UQCC1: variants seen among roughly 807,000 people sequenced by gnomAD.
The protein encoded by UQCC1 is ubiquinol-cytochrome c reductase complex assembly factor 1.
UQCC1 carries 38 observed loss-of-function variants against 48.0 expected under a neutral mutation model. That is an observed-to-expected ratio of 0.79 (90% confidence interval 0.61 to 1.04). The LOEUF (loss-of-function observed/expected upper bound fraction) is 1.04. Ranked by LOEUF, UQCC1 falls within the 50% of genes least tolerant of loss-of-function variation. UQCC1 has a pLI of 0.00. For missense variants in UQCC1, 368 were observed against 381.8 expected (o/e 0.96, Z 0.30); for synonymous variants, 111 against 129.2 (o/e 0.86, Z 0.95).
Position 35,388,308 on chromosome 20 carries a change from T to G in UQCC1, c.130-4175A>C, listed in dbSNP as rs113586088. 9.9e-5 allele frequency among the ~76,000 whole-genome samples: 12 copies of G among 121,250 alleles called. 2 individuals are homozygous for G. The highest frequency in any genetic ancestry group is 3.7e-4 in the Admixed American group (4 of 10,682). The allele number at this position is 121,250 out of a possible 152,430, so 79.5% of individuals were successfully genotyped here. ...TTCTATTTCTTTTTTTCTTTTTTTTTGAGACAGGGTCTTGCTCTGTCACCC... is the reference window on the plus strand; with the variant it reads ...TTCTATTTCTTTTTTTCTTTTTTTTGGAGACAGGGTCTTGCTCTGTCACCC... On this transcript the variant is annotated intron_variant, in intron 2 of 9. Transcript: ENST00000374385.
At chr20:35,392,217 C>T in intron 2 of UQCC1, 1 of 1,303,338 alleles carries the variant, frequency 7.7e-7, no homozygotes, top group Non-Finnish European at 1.0e-6. Flanking sequence ...CCAAATCTTC[C>T]TCCCTGTGAG....
At chr20:35,307,038 G>GC (rs2060937327) in intron 8 of UQCC1, 1 of 512,852 alleles carries the variant, frequency 1.9e-6, no homozygotes, top group South Asian at 2.0e-5. Flanking sequence ...GTGATGCAGA[G>GC]CTGGGACTCA....
chr20:35,310,480 G>C (rs957038784), intron 8 of UQCC1, among the ~76,000 whole-genome samples: 2 of 150,984 alleles, frequency 1.3e-5, no homozygotes, highest in African/African-American at 2.4e-5. Flanking sequence ...CTGTCTCTAC[G>C]AAAAATACAA....
intron 4 of UQCC1, among the ~76,000 whole-genome samples, chr20:35,375,435 G>A (rs2061784982): frequency 6.6e-6 from 1 of 152,048 alleles, no homozygotes. Flanking sequence ...AGAGCTTCCA[G>A]TCTAAAGTTA....
At chr20:35,331,566 A>G (rs1244669813) in intron 7 of UQCC1, among the ~76,000 whole-genome samples, 1 of 152,192 alleles carries the variant, frequency 6.6e-6, no homozygotes, top group Non-Finnish European at 1.5e-5. Flanking sequence ...AACACTTCAC[A>G]CATATCGTTT....
intron 6 of UQCC1, among the ~76,000 whole-genome samples, chr20:35,365,718 G>A (rs556902913): frequency 6.6e-6 from 1 of 150,816 alleles, no homozygotes; most frequent in African/African-American, 2.4e-5. Context: ...CAAACTCAGT[G>A]TAACTGTGTG....
intron 2 of UQCC1, 134 bp from the exon 3 acceptor site, chr20:35,384,267 G>A (rs991393259): frequency 1.5e-6 from 1 of 672,448 alleles, no homozygotes; most frequent in Middle Eastern, 2.5e-4. Flanking sequence ...AGCTCACCAG[G>A]AAGACCCAAG....
At position 35,395,870 on chromosome 20, in the gene UQCC1, A is replaced by G. The variant is rs1487167581; in HGVS notation, c.25-1674T>C. On this transcript the variant is annotated intron_variant, in intron 1 of 9. Coordinates refer to ENST00000374385, the MANE Select transcript of UQCC1 (RefSeq NM_018244.5). Reference sequence around the variant, plus strand: ...TTCCACAGACTAAAATAATTCTGGTAATAGGTGACTCAAGCAGTGGGCACG... The same window carrying G: ...TTCCACAGACTAAAATAATTCTGGTGATAGGTGACTCAAGCAGTGGGCACG... Among the ~76,000 whole-genome samples the G allele has an allele frequency of 2.0e-5, 3 of 152,172 alleles. No homozygotes were observed. The East Asian group carries it at 5.8e-4, about 29-fold the overall frequency.
At position 35,384,020 on chromosome 20, in the gene UQCC1, T is replaced by C. The variant is rs182314229; in HGVS notation, c.225+18A>G. The stretch of plus-strand genomic sequence containing the variant: ...GTGAAAGCACTCTATAAACACAGAA[T>C]GCACTGATAATTCTCACCTTACGTG... On this transcript the variant is annotated intron_variant, in intron 3 of 9. Coordinates refer to ENST00000374385, the MANE Select transcript of UQCC1 (RefSeq NM_018244.5). 6 of 1,603,616 alleles carry C rather than the reference T, an allele frequency of 3.7e-6. No homozygotes were observed. The East Asian group carries it at 1.1e-4, about 30-fold the overall frequency.
intron 1 of UQCC1, among the ~76,000 whole-genome samples, chr20:35,398,243 TAACTA>T (rs772241640): frequency 6.6e-6 from 1 of 152,170 alleles, no homozygotes; most frequent in Non-Finnish European, 1.5e-5. Flanking sequence ...AAGTGCCACA[TAACTA>T]AAGGCAGGAA....
intron 7 of UQCC1, among the ~76,000 whole-genome samples, chr20:35,317,372 T>C (rs1015805710): frequency 5.9e-5 from 9 of 152,366 alleles, no homozygotes; most frequent in Non-Finnish European, 1.2e-4. Flanking sequence ...TTATAAGTAA[T>C]AACTTCTGGT....
In UQCC1 at chr20:35,369,123, C is replaced by T. The variant is rs1369207427; in HGVS notation, c.407-2509G>A. ...AGCCTCCAGGAGCCTTTCCAATTTT[C>T]TCAGAGAGGGAATCAGTTCTTGGGC... On this transcript the variant is annotated intron_variant, in intron 5 of 9. Coordinates refer to ENST00000374385, the MANE Select transcript of UQCC1 (RefSeq NM_018244.5). 3.3e-5 allele frequency among the ~76,000 whole-genome samples: 5 copies of T among 152,216 alleles called. No homozygotes were observed. The East Asian group carries it at 9.6e-4, about 29-fold the overall frequency.
At chr20:35,357,319 A>C (rs908619982) in intron 6 of UQCC1, among the ~76,000 whole-genome samples, 1 of 152,124 alleles carries the variant, frequency 6.6e-6, no homozygotes, top group African/African-American at 2.4e-5. Flanking sequence ...TCAGGAGTTC[A>C]AGACCAGCTT....
intron 2 of UQCC1, among the ~76,000 whole-genome samples, chr20:35,390,195 C>A (rs113742912): frequency 6.6e-6 from 1 of 152,022 alleles, no homozygotes; most frequent in Non-Finnish European, 1.5e-5. Flanking sequence ...GAGGCTGAGG[C>A]GGGCAGATCA....
rs754622251 is a variant in UQCC1, at chr20:35,303,938, A to G, written c.897T>C (p.Leu299=). 1 of 1,614,210 alleles carries G rather than the reference A, an allele frequency of 6.2e-7. No homozygotes were observed. The highest frequency in any genetic ancestry group is 8.5e-7 in the Non-Finnish European group (1 of 1,180,032). ...GCCGTGCGGAGGGCCCAGCCCATCA[A>G]AGTCCCTCGTCGTTGTAAGTCGGAG... ...PHSPTYNDEG[L] Residue 299 remains leucine, a synonymous_variant, in exon 10 of 10, where the codon CTT becomes CTC. Coordinates refer to ENST00000374385, the MANE Select transcript of UQCC1 (RefSeq NM_018244.5).
At chr20:35,338,437 C>T (rs2061336877) in intron 7 of UQCC1, among the ~76,000 whole-genome samples, 1 of 152,150 alleles carries the variant, frequency 6.6e-6, no homozygotes, top group Non-Finnish European at 1.5e-5. Context: ...TGGCCTTGGT[C>T]CTCATTCTGC....
chr20:35,372,141 C>T lies in UQCC1; in HGVS notation c.406+2043G>A, dbSNP rs147976965. 3.4e-3 allele frequency among the ~76,000 whole-genome samples: 510 copies of T among 152,026 alleles called. 4 individuals carry two copies. Among genetic ancestry groups the T allele is most frequent in the African/African-American group, 0.012 (488 of 41,490 alleles). On this transcript the variant is annotated intron_variant, in intron 5 of 9. Transcript: ENST00000374385. ...CCTGGCCAATATGGTGAAACCTCGT[C>T]TCTACTAAAAGTACAAAAAAATTAG...
intron 7 of UQCC1, among the ~76,000 whole-genome samples, chr20:35,341,495 C>T (rs1356876408): frequency 6.6e-6 from 1 of 152,148 alleles, no homozygotes; most frequent in Non-Finnish European, 1.5e-5. Context: ...GGACTGGCTT[C>T]CTTCATTCTT....
chr20:35,393,473 T>TACACAC, intron 2 of UQCC1, among the ~76,000 whole-genome samples: 1 of 135,274 alleles, frequency 7.4e-6, no homozygotes, highest in East Asian at 2.2e-4. Context: ...TACATATACA[T>TACACAC]ACACACACAC....
Sources: allele counts gnomAD v4.1 joint callset (sites outside exome capture counted in the v4.1 genomes callset), GRCh38; gene constraint gnomAD v4.1.1; transcripts MANE v1.5; gene names NCBI Gene and HGNC (gene_info 2026-07-23, HGNC 2026-07-21).